The following ATP11C variants were observed in gnomAD, a reference collection of about 807,000 sequenced individuals.
The protein encoded by ATP11C is phospholipid-transporting ATPase IG.
A neutral mutation model predicts 97.4 loss-of-function variants in ATP11C; 36 were observed. The observed-to-expected ratio is 0.37, with a 90% CI of 0.28 to 0.49. The LOEUF (loss-of-function observed/expected upper bound fraction) is 0.49. Ranked by LOEUF, ATP11C falls within the 20% of genes least tolerant of loss-of-function variation. The pLI, the probability that ATP11C is intolerant of heterozygous loss-of-function variation, is 0.98. For missense variants in ATP11C, 730 were observed against 824.6 expected, an observed-to-expected ratio of 0.89 and a Z score of 1.40; for synonymous variants, 275 against 290.9, an observed-to-expected ratio of 0.95 and a Z score of 0.56.
intron 1 of ATP11C, among the ~76,000 whole-genome samples, chrX:139,850,056 C>A (rs1482281178): frequency 8.9e-6 from 1 of 111,931 alleles, no homozygotes. Flanking sequence ...TAAATTACTC[C>A]ATGTGTGGTA....
intron 12 of ATP11C, among the ~76,000 whole-genome samples, chrX:139,792,148 T>C (rs988470199): frequency 3.6e-5 from 4 of 110,250 alleles, no homozygotes; most frequent in African/African-American, 1.3e-4. Context: ...TTAACACCAG[T>C]GGCCAATGAT....
chrX:139,737,504 G>C (rs1213686443), intron 28 of ATP11C, among the ~76,000 whole-genome samples: 1 of 111,006 alleles, frequency 9.0e-6, no homozygotes, highest in African/African-American at 3.3e-5. Flanking sequence ...GGAAAGGTTT[G>C]AAAGAGGCAA....
At chrX:139,916,560 T>C (rs1417246519) in intron 1 of ATP11C, among the ~76,000 whole-genome samples, 1 of 111,053 alleles carries the variant, frequency 9.0e-6, no homozygotes. Flanking sequence ...GAACCTGGCA[T>C]TGTCTGAGGG....
At chrX:139,799,484 T>C (rs2148759898) in intron 8 of ATP11C, among the ~76,000 whole-genome samples, 1 of 109,809 alleles carries the variant, frequency 9.1e-6, no homozygotes, top group East Asian at 2.9e-4. Context: ...ATAAATAACA[T>C]GGCTAGAACA....
At chrX:139,905,274 T>C (rs2084956943) in intron 1 of ATP11C, among the ~76,000 whole-genome samples, 1 of 112,199 alleles carries the variant, frequency 8.9e-6, no homozygotes, top group African/African-American at 3.2e-5. Context: ...ACAGATCAAA[T>C]GTTTCCCTTT....
intron 1 of ATP11C, among the ~76,000 whole-genome samples, chrX:139,883,649 C>A (rs1014780333): frequency 1.4e-4 from 16 of 110,793 alleles, no homozygotes; most frequent in African/African-American, 5.2e-4. Context: ...TTATTTTTTT[C>A]ATCATAAGGT....
intron 14 of ATP11C, among the ~76,000 whole-genome samples, chrX:139,787,969 A>C (rs1361791554): frequency 8.9e-6 from 1 of 112,554 alleles, no homozygotes; most frequent in Non-Finnish European, 1.9e-5. Context: ...GGCATGCATA[A>C]ATAGTAAGGC....
chrX:139,768,203 T>A (rs1450931251), intron 20 of ATP11C, 57 bp downstream of exon 20: 1 of 856,870 alleles, frequency 1.2e-6, no homozygotes, highest in Non-Finnish European at 1.5e-6. Flanking sequence ...AATAAACATT[T>A]GCACATATAT....
At chrX:139,853,413 G>A (rs964306420) in intron 1 of ATP11C, among the ~76,000 whole-genome samples, 20 of 95,193 alleles carry the variant, frequency 2.1e-4, no homozygotes, top group Non-Finnish European at 3.6e-4. Context: ...AGAGAGAGAG[G>A]AAGAGACAGA....
intron 26 of ATP11C, among the ~76,000 whole-genome samples, chrX:139,743,017 T>A (rs1398478202): frequency 1.9e-5 from 2 of 107,998 alleles, no homozygotes; most frequent in East Asian, 5.8e-4. Flanking sequence ...ATTATAGGCA[T>A]GAGCCACCAA....
At chrX:139,839,922 T>C (rs978834985) in intron 1 of ATP11C, among the ~76,000 whole-genome samples, 1 of 110,745 alleles carries the variant, frequency 9.0e-6, no homozygotes, top group African/African-American at 3.3e-5. Context: ...TTCCACTGTT[T>C]CCCTCGGCAT....
intron 1 of ATP11C, among the ~76,000 whole-genome samples, chrX:139,921,406 TTGTGAGGG>T (rs1411316845): frequency 9.0e-6 from 1 of 111,454 alleles, no homozygotes. Flanking sequence ...TCCTGCCACC[TTGTGAGGG>T]TGTCTTGCGT....
intron 17 of ATP11C, 40 bp downstream of exon 17, chrX:139,783,124 C>T (rs2082498166): frequency 1.2e-5 from 11 of 919,076 alleles, no homozygotes; most frequent in Non-Finnish European, 1.7e-5. Context: ...TTCAACATTT[C>T]TCTGCTTACT....
chrX:139,905,588 G>T (rs754720723), intron 1 of ATP11C, among the ~76,000 whole-genome samples: 2 of 111,925 alleles, frequency 1.8e-5, no homozygotes, highest in Non-Finnish European at 3.8e-5. Context: ...TAGGGATGTT[G>T]TAAGTAGGAA....
rs758923862 is a variant in ATP11C, at chrX:139,726,421, C to A, written c.*2545G>T. On this transcript the variant is annotated 3_prime_UTR_variant, in exon 30 of 30. Transcript: ENST00000682941. ...TGTAATGGAAAAGGCAAGTTGCAGT[C>A]ATAAAAGATGGCATTCACATTCATT... 1.3e-4 allele frequency: 15 copies of A among 112,551 alleles called. No individual in the cohort carries two copies. The East Asian group carries it at 4.2e-3, about 32-fold the overall frequency. 9.3% of individuals were successfully genotyped at this position (112,551 alleles called of 1,213,427 possible).
chrX:139,815,137 T>C, intron 4 of ATP11C, 152 bp from the exon 5 acceptor site: 2 of 342,911 alleles, frequency 5.8e-6, no homozygotes, highest in Non-Finnish European at 5.0e-6. Context: ...CTACACATTT[T>C]AATAGCAAAT....
chrX:139,861,769 T>TACACACACACAC (rs5904005), intron 1 of ATP11C, among the ~76,000 whole-genome samples: 2 of 101,341 alleles, frequency 2.0e-5, no homozygotes, highest in African/African-American at 7.2e-5. Context: ...AATCCTGTTA[T>TACACACACACAC]ACACACACAC....
intron 2 of ATP11C, among the ~76,000 whole-genome samples, chrX:139,821,457 A>G (rs971925488): frequency 1.8e-5 from 2 of 112,312 alleles, no homozygotes; most frequent in African/African-American, 6.5e-5. Context: ...AAACTCCAAC[A>G]ACAGGCTAAT....
At chrX:139,802,536 C>T (rs909264013) in intron 6 of ATP11C, among the ~76,000 whole-genome samples, 197 bp from the exon 7 acceptor site, 4 of 111,655 alleles carry the variant, frequency 3.6e-5, no homozygotes, top group African/African-American at 9.8e-5. Context: ...GAAAGATAAC[C>T]TGCCGCAAGG....
Sources: allele counts gnomAD v4.1 joint callset (sites outside exome capture counted in the v4.1 genomes callset), GRCh38; gene constraint gnomAD v4.1.1; transcripts MANE v1.5; gene names NCBI Gene and HGNC (gene_info 2026-07-23, HGNC 2026-07-21).